The following FSTL5 variants were observed in gnomAD, a reference collection of about 807,000 sequenced individuals.
FSTL5 encodes the protein follistatin-related protein 5.
FSTL5 carries 62 observed loss-of-function variants against 89.1 expected under a neutral mutation model. That is an observed-to-expected ratio of 0.70 (90% CI 0.57 to 0.86). The LOEUF is 0.86. Among genes scored for constraint, FSTL5 ranks in the 40% least tolerant of loss-of-function variants. The pLI, the probability that FSTL5 is intolerant of heterozygous loss-of-function variation, is 0.00. For synonymous variants in FSTL5, 383 were observed against 346.2 expected, an observed-to-expected ratio of 1.11 and a Z score of -1.18; for missense variants, 1,057 against 1,001.6, an observed-to-expected ratio of 1.06 and a Z score of -0.75.
intron 6 of FSTL5, among the ~76,000 whole-genome samples, chr4:161,735,704 T>A (rs1739787609): frequency 6.6e-6 from 1 of 152,064 alleles, no homozygotes; most frequent in South Asian, 2.1e-4. Flanking sequence ...AGTAAAAAAA[T>A]TTGAGGATAT....
intron 6 of FSTL5, among the ~76,000 whole-genome samples, chr4:161,720,438 A>C (rs1285429306): frequency 6.6e-6 from 1 of 152,162 alleles, no homozygotes; most frequent in Non-Finnish European, 1.5e-5. Flanking sequence ...TGTAGTCACT[A>C]GGAAAAAGCA....
At chr4:161,779,762 TATATATA>T (rs1190552483) in intron 4 of FSTL5, among the ~76,000 whole-genome samples, 31,632 of 60,960 alleles carry the variant, frequency 0.52, 8,662 homozygotes, top group African/African-American at 0.7. Context: ...TGTAAAGTTA[TATATATA>T]TATATGTATA....
intron 2 of FSTL5, among the ~76,000 whole-genome samples, chr4:162,035,674 A>G (rs757198252): frequency 1.3e-5 from 2 of 152,140 alleles, no homozygotes; most frequent in African/African-American, 2.4e-5. Flanking sequence ...CTCAGGGGGT[A>G]ATATTATCTG....
chr4:161,901,865 G>C (rs1398705288), intron 4 of FSTL5, among the ~76,000 whole-genome samples: 1 of 152,118 alleles, frequency 6.6e-6, no homozygotes, highest in Non-Finnish European at 1.5e-5. Context: ...AACCCGGGAG[G>C]CAGAGGTTGC....
At chr4:162,162,711 T>C (rs1733742693) in intron 1 of FSTL5, among the ~76,000 whole-genome samples, 1 of 152,184 alleles carries the variant, frequency 6.6e-6, no homozygotes, top group Non-Finnish European at 1.5e-5. Flanking sequence ...AAAAGGAACA[T>C]AGCTTCAAAA....
At chr4:161,710,039 G>A (rs1738726184) in intron 6 of FSTL5, among the ~76,000 whole-genome samples, 1 of 151,954 alleles carries the variant, frequency 6.6e-6, no homozygotes, top group African/African-American at 2.4e-5. Context: ...CGTGATCATG[G>A]CTCATTGCAG....
intron 7 of FSTL5, among the ~76,000 whole-genome samples, chr4:161,643,062 T>C (rs1736020901): frequency 6.6e-6 from 1 of 152,198 alleles, no homozygotes. Context: ...TCTAAATACA[T>C]GAGTTAATAT....
rs1417503937 is a variant in FSTL5 at position 162,033,174 on chromosome 4, A to C, written c.160+451T>G. Reference sequence around the variant, plus strand: ...ACATTAGAATAATGTGGACTATGCCATACTAGGAGCTATTGCCAACTTTTA... The same window carrying C: ...ACATTAGAATAATGTGGACTATGCCCTACTAGGAGCTATTGCCAACTTTTA... On this transcript the variant is annotated intron_variant, in intron 3 of 15. Coordinates refer to ENST00000306100, the MANE Select transcript of FSTL5 (RefSeq NM_020116.5). Among the ~76,000 whole-genome samples, 7 of 152,324 alleles carry C rather than the reference A, an allele frequency of 4.6e-5. No individual in the cohort carries two copies. The East Asian group carries it at 1.2e-3, about 25-fold the overall frequency.
chr4:161,773,203 T>C (rs1448024212), intron 5 of FSTL5, among the ~76,000 whole-genome samples: 1 of 152,094 alleles, frequency 6.6e-6, no homozygotes, highest in Non-Finnish European at 1.5e-5. Context: ...TCAAGATGGA[T>C]CAAGGACATA....
chr4:162,081,015 C>A (rs559328432), intron 2 of FSTL5, among the ~76,000 whole-genome samples: 9 of 151,568 alleles, frequency 5.9e-5, no homozygotes, highest in Admixed American at 3.3e-4. Flanking sequence ...ATAATAATTG[C>A]AATTTCCAAG....
At chr4:161,966,658 G>C (rs72693212) in intron 3 of FSTL5, among the ~76,000 whole-genome samples, 13,953 of 152,076 alleles carry the variant, frequency 0.092, 744 homozygotes, top group East Asian at 0.21. Flanking sequence ...ATGGCCATCT[G>C]TTAAGCAAGG....
chr4:162,135,127 T>C (rs1732473903), intron 1 of FSTL5, among the ~76,000 whole-genome samples: 1 of 152,198 alleles, frequency 6.6e-6, no homozygotes, highest in Non-Finnish European at 1.5e-5. Flanking sequence ...TAGCTCATTA[T>C]GGAGCCAGTC....
At chr4:162,037,733 GA>G (rs1441520452) in intron 2 of FSTL5, among the ~76,000 whole-genome samples, 2 of 151,844 alleles carry the variant, frequency 1.3e-5, no homozygotes, top group African/African-American at 4.8e-5. Flanking sequence ...GGACTGGAAA[GA>G]ATGACAATAG....
chr4:161,656,259 A>G, intron 7 of FSTL5, 69 bp downstream of exon 7: 1 of 771,614 alleles, frequency 1.3e-6, no homozygotes, highest in South Asian at 2.8e-5. Context: ...AGCTCCCCTG[A>G]CATCACAAAG....
intron 8 of FSTL5, among the ~76,000 whole-genome samples, chr4:161,559,337 C>G (rs1040878657): frequency 1.3e-5 from 2 of 151,728 alleles, no homozygotes; most frequent in East Asian, 3.9e-4. Context: ...CCATCCTCCT[C>G]CTTGTTCTTT....
chr4:161,562,847 C>A (rs1370710214), intron 8 of FSTL5, among the ~76,000 whole-genome samples: 1 of 151,854 alleles, frequency 6.6e-6, no homozygotes, highest in Non-Finnish European at 1.5e-5. Context: ...TACTTTTTGC[C>A]TCTATGATTT....
At chr4:161,464,832 T>A (rs1365340122) in intron 13 of FSTL5, among the ~76,000 whole-genome samples, 1 of 152,160 alleles carries the variant, frequency 6.6e-6, no homozygotes, top group Non-Finnish European at 1.5e-5. Context: ...ATGTTGAAAT[T>A]GAGATTATTA....
intron 1 of FSTL5, among the ~76,000 whole-genome samples, chr4:162,132,019 G>GA (rs1452373773): frequency 6.6e-6 from 1 of 152,192 alleles, no homozygotes; most frequent in African/African-American, 2.4e-5. Context: ...TCAGACTTGT[G>GA]AAACACTGCT....
intron 13 of FSTL5, among the ~76,000 whole-genome samples, chr4:161,474,065 AT>A (rs1213131489): frequency 6.6e-6 from 1 of 151,780 alleles, no homozygotes; most frequent in Non-Finnish European, 1.5e-5. Flanking sequence ...ATGTTTAGTT[AT>A]TTTTTTGTAA....
Sources: gnomAD v4.1 joint callset for allele counts (sites outside exome capture counted in the v4.1 genomes callset) on GRCh38, gnomAD v4.1.1 for gene constraint, MANE v1.5 for transcripts, NCBI Gene and HGNC (gene_info 2026-07-23, HGNC 2026-07-21) for gene names.